The following PGBD5 variants were observed in gnomAD, a reference collection of about 807,000 sequenced individuals.
PGBD5 encodes piggyBac transposable element-derived protein 5.
A neutral mutation model predicts 47.9 loss-of-function variants in PGBD5; 14 were observed. The ratio of observed to expected loss-of-function variants is 0.29; its 90% confidence interval spans 0.19 to 0.46. The LOEUF (loss-of-function observed/expected upper bound fraction) is 0.46. Ranked by LOEUF, PGBD5 falls within the 20% of genes least tolerant of loss-of-function variation. The pLI, the probability that PGBD5 is intolerant of heterozygous loss-of-function variation, is 1.00. For synonymous variants in PGBD5, 316 were observed against 306.3 expected, an observed-to-expected ratio of 1.03 and a Z score of -0.33; for missense variants, 635 against 716.0, an observed-to-expected ratio of 0.89 and a Z score of 1.29.
intron 5 of PGBD5, among the ~76,000 whole-genome samples, chr1:230,332,068 C>T (rs1476834190): frequency 4.0e-5 from 1 of 24,984 alleles, no homozygotes; most frequent in African/African-American, 5.1e-4. Context: ...GCCAGGCAAG[C>T]TTACACACCA....
At chr1:230,389,400 T>G (rs1656733973) in intron 1 of PGBD5, among the ~76,000 whole-genome samples, 1 of 152,106 alleles carries the variant, frequency 6.6e-6, no homozygotes, top group Non-Finnish European at 1.5e-5. Flanking sequence ...CTCGGACTCC[T>G]GACCTCAGGT....
At chr1:230,398,922 A>G (rs1381154798) in intron 1 of PGBD5, among the ~76,000 whole-genome samples, 1 of 152,188 alleles carries the variant, frequency 6.6e-6, no homozygotes, top group African/African-American at 2.4e-5. Flanking sequence ...GGCTGGATGC[A>G]GAGTGCTCCA....
chr1:230,363,374 G>T (rs1667779513), intron 1 of PGBD5, among the ~76,000 whole-genome samples: 1 of 152,188 alleles, frequency 6.6e-6, no homozygotes, highest in Non-Finnish European at 1.5e-5. Context: ...CTGAGGTCAG[G>T]AGTTCGAGAC....
chr1:230,400,151 G>A (rs1020542803), intron 1 of PGBD5, among the ~76,000 whole-genome samples: 3 of 151,954 alleles, frequency 2.0e-5, no homozygotes, highest in Admixed American at 6.5e-5. Flanking sequence ...TCCGCGCCTC[G>A]CCCACCAGGC....
chr1:230,324,061 T>G (rs1454639214), intron 6 of PGBD5, among the ~76,000 whole-genome samples: 1 of 152,236 alleles, frequency 6.6e-6, no homozygotes, highest in Non-Finnish European at 1.5e-5. Context: ...TGCTCCCGAA[T>G]GTACCTTTGC....
chr1:230,382,303 A>C (rs1370266707), intron 1 of PGBD5, among the ~76,000 whole-genome samples: 1 of 152,224 alleles, frequency 6.6e-6, no homozygotes, highest in African/African-American at 2.4e-5. Context: ...TTAACAGGAC[A>C]CAAGAGTCCT....
In PGBD5 at chr1:230,321,275, T is replaced by C. The variant is rs1011162036; in HGVS notation, c.*2150A>G. 1.3e-5 allele frequency: 2 copies of C among 152,200 alleles called. No individual in the cohort carries two copies. The highest frequency in any genetic ancestry group is 4.8e-5 in the African/African-American group (2 of 41,454). The allele number at this position is 152,200 out of a possible 1,614,324, so 9.4% of individuals were successfully genotyped here. ...TTTGAGACACCAAGAACAGTTAATA[T>C]CATACACACCAGATTATATAACAAA... On this transcript the variant is annotated 3_prime_UTR_variant, in exon 7 of 7. Transcript: ENST00000391860.
At chr1:230,336,873 A>C (rs552947995) in intron 4 of PGBD5, among the ~76,000 whole-genome samples, 1 of 152,342 alleles carries the variant, frequency 6.6e-6, no homozygotes, top group African/African-American at 2.4e-5. Context: ...CTTTGCGCCG[A>C]CATGTCCTCT....
At chr1:230,375,967 G>A (rs553245462) in intron 1 of PGBD5, among the ~76,000 whole-genome samples, 1 of 151,852 alleles carries the variant, frequency 6.6e-6, no homozygotes, top group South Asian at 2.1e-4. Flanking sequence ...CTACCTTGCA[G>A]AGCTGTAAGG....
intron 1 of PGBD5, among the ~76,000 whole-genome samples, chr1:230,397,829 T>G (rs1657037884): frequency 6.6e-6 from 1 of 152,148 alleles, no homozygotes. Flanking sequence ...CTCTAAAGCT[T>G]AACCACAGGA....
intron 1 of PGBD5, among the ~76,000 whole-genome samples, chr1:230,384,073 T>C (rs1022095808): frequency 1.3e-5 from 2 of 152,222 alleles, no homozygotes; most frequent in African/African-American, 4.8e-5. Flanking sequence ...GCTGGTTTTC[T>C]GCACAGACGG....
intron 1 of PGBD5, among the ~76,000 whole-genome samples, chr1:230,364,853 T>C (rs1667803526): frequency 6.6e-6 from 1 of 151,984 alleles, no homozygotes; most frequent in African/African-American, 2.4e-5. Context: ...AAACCCTGCC[T>C]GCAATAAAAA....
intron 1 of PGBD5, among the ~76,000 whole-genome samples, chr1:230,375,809 T>G (rs1043254374): frequency 6.6e-6 from 1 of 151,814 alleles, no homozygotes; most frequent in Admixed American, 6.6e-5. Context: ...CTTCTACAGT[T>G]GTTTTTTTTG....
chr1:230,343,124 C>G (rs1461417841), intron 3 of PGBD5, among the ~76,000 whole-genome samples: 4 of 152,206 alleles, frequency 2.6e-5, no homozygotes, highest in Non-Finnish European at 5.9e-5. Context: ...AGGCCTCTCA[C>G]CATGACCATG....
At chr1:230,367,731 T>C (rs1462995910) in intron 1 of PGBD5, among the ~76,000 whole-genome samples, 1 of 152,184 alleles carries the variant, frequency 6.6e-6, no homozygotes, top group African/African-American at 2.4e-5. Context: ...TGCTCCGTCA[T>C]CTAGGCTTCA....
chr1:230,386,150 G>C (rs781237920), intron 1 of PGBD5, among the ~76,000 whole-genome samples: 1 of 152,046 alleles, frequency 6.6e-6, no homozygotes, highest in Non-Finnish European at 1.5e-5. Flanking sequence ...AACACAGCGA[G>C]ACCCCATCTC....
intron 1 of PGBD5, among the ~76,000 whole-genome samples, chr1:230,370,507 G>A (rs1278957945): frequency 1.3e-5 from 2 of 152,200 alleles, no homozygotes; most frequent in Admixed American, 1.3e-4. Context: ...CTTGTGTTCT[G>A]TCTGCTTTGC....
intron 1 of PGBD5, among the ~76,000 whole-genome samples, chr1:230,358,282 GAC>G (rs1217639052): frequency 6.6e-6 from 1 of 152,048 alleles, no homozygotes; most frequent in Non-Finnish European, 1.5e-5. Flanking sequence ...AAGAGAAAAA[GAC>G]ACATAAGGGG....
intron 3 of PGBD5, among the ~76,000 whole-genome samples, chr1:230,340,748 C>A (rs936803456): frequency 6.6e-6 from 1 of 152,042 alleles, no homozygotes; most frequent in Non-Finnish European, 1.5e-5. Context: ...ATCAGGGTAG[C>A]CTCTTGCTGT....
Sources: allele counts gnomAD v4.1 joint callset (sites outside exome capture counted in the v4.1 genomes callset), GRCh38; gene constraint gnomAD v4.1.1; transcripts MANE v1.5; gene names NCBI Gene and HGNC (gene_info 2026-07-23, HGNC 2026-07-21).